Variants in SGCD observed in about 807,000 individuals in gnomAD.
SGCD encodes the protein sarcoglycan delta.
In SGCD, 18 loss-of-function variants were observed where a neutral mutation model predicts 36.6. The observed-to-expected ratio is 0.49, with a 90% CI of 0.34 to 0.73. The LOEUF (loss-of-function observed/expected upper bound fraction) is 0.73, where lower values mean the gene tolerates loss of function less well. Among genes scored for constraint, SGCD ranks in the 30% least tolerant of loss-of-function variants. SGCD has a pLI of 0.01. For missense variants in SGCD, 387 were observed against 346.7 expected, an observed-to-expected ratio of 1.12 and a Z score of -0.92; for synonymous variants, 133 against 130.6, an observed-to-expected ratio of 1.02 and a Z score of -0.12.
chr5:156,685,998 A>G (rs1753891652), intron 7 of SGCD, among the ~76,000 whole-genome samples: 1 of 152,228 alleles, frequency 6.6e-6, no homozygotes, highest in Non-Finnish European at 1.5e-5. Context: ...CTTAAATAAC[A>G]AACTTGCACA....
chr5:156,502,279 C>A (rs1264961497), intron 3 of SGCD, among the ~76,000 whole-genome samples: 1 of 152,018 alleles, frequency 6.6e-6, no homozygotes, highest in Admixed American at 6.6e-5. Context: ...ATCTCCTGAC[C>A]TCGTGATCCG....
chr5:155,805,361 G>A, the SGCD span, among the ~76,000 whole-genome samples: 1 of 152,234 alleles, frequency 6.6e-6, no homozygotes, highest in South Asian at 2.1e-4. Context: ...TTTTAAGGAA[G>A]AGGAGCCATT....
At chr5:156,225,313 A>G (rs1764823021) in intron 3 of SGCD, among the ~76,000 whole-genome samples, 1 of 152,170 alleles carries the variant, frequency 6.6e-6, no homozygotes, top group Non-Finnish European at 1.5e-5. Context: ...AATAAACATA[A>G]CAGTAATTGT....
chr5:156,143,056 G>T (rs1394637332), intron 3 of SGCD, among the ~76,000 whole-genome samples: 1 of 152,206 alleles, frequency 6.6e-6, no homozygotes, highest in Non-Finnish European at 1.5e-5. Flanking sequence ...GGGAAGAATG[G>T]TTCCATGGGC....
chr5:155,733,834 A>G, the SGCD span, among the ~76,000 whole-genome samples: 1 of 152,068 alleles, frequency 6.6e-6, no homozygotes, highest in Non-Finnish European at 1.5e-5. Flanking sequence ...CCATTTCTTC[A>G]TGTACAAGTT....
intron 1 of SGCD, among the ~76,000 whole-genome samples, chr5:155,969,179 G>A (rs563325805): frequency 6.6e-6 from 1 of 152,026 alleles, no homozygotes; most frequent in African/African-American, 2.4e-5. Flanking sequence ...GCGTGTCTAG[G>A]TTTTGTTGCA....
At chr5:155,754,055 G>A in the SGCD span, among the ~76,000 whole-genome samples, 1 of 152,108 alleles carries the variant, frequency 6.6e-6, no homozygotes, top group Admixed American at 6.5e-5. Context: ...TGCAGACTGT[G>A]TATGGGGAGT....
chr5:156,028,861 G>T (rs985432627), intron 1 of SGCD, among the ~76,000 whole-genome samples: 3 of 152,150 alleles, frequency 2.0e-5, no homozygotes, highest in African/African-American at 7.2e-5. Flanking sequence ...GCTTGTCAAA[G>T]AAAGATTTTT....
intron 1 of SGCD, among the ~76,000 whole-genome samples, chr5:155,976,330 T>C (rs1380926946): frequency 6.6e-6 from 1 of 152,150 alleles, no homozygotes; most frequent in Admixed American, 6.5e-5. Context: ...TTTTGGATGT[T>C]TGAAATACTT....
chr5:156,117,301 A>C (rs1430177127), intron 1 of SGCD, among the ~76,000 whole-genome samples: 2 of 151,956 alleles, frequency 1.3e-5, no homozygotes, highest in Non-Finnish European at 2.9e-5. Flanking sequence ...TGTTATGCCC[A>C]TTTTATAGGT....
intron 6 of SGCD, among the ~76,000 whole-genome samples, chr5:156,642,728 A>T (rs1448652517): frequency 2.0e-5 from 3 of 151,908 alleles, no homozygotes; most frequent in Non-Finnish European, 2.9e-5. Context: ...CAGCCTCCCA[A>T]AGTAATGGGA....
At chr5:155,908,365 T>C (rs1463570573) in intron 1 of SGCD, among the ~76,000 whole-genome samples, 9 of 152,160 alleles carry the variant, frequency 5.9e-5, no homozygotes, top group Admixed American at 5.9e-4. Flanking sequence ...ATGTTTCCAG[T>C]TCTTCATATG....
intron 4 of SGCD, among the ~76,000 whole-genome samples, chr5:156,556,689 G>A (rs1329365900): frequency 6.6e-6 from 1 of 152,136 alleles, no homozygotes; most frequent in Non-Finnish European, 1.5e-5. Context: ...TTTAAAGCAA[G>A]GAGCAATGTA....
At chr5:156,671,917 C>G (rs545081461) in intron 7 of SGCD, among the ~76,000 whole-genome samples, 1 of 151,982 alleles carries the variant, frequency 6.6e-6, no homozygotes, top group South Asian at 2.1e-4. Context: ...AAAGAGACAC[C>G]GGGCTCTTTA....
intron 3 of SGCD, among the ~76,000 whole-genome samples, chr5:156,423,792 C>T (rs1773539370): frequency 6.6e-6 from 1 of 151,900 alleles, no homozygotes; most frequent in Non-Finnish European, 1.5e-5. Flanking sequence ...ACTATGTGAC[C>T]TTAGTAAGTA....
intron 3 of SGCD, among the ~76,000 whole-genome samples, chr5:156,386,743 G>A (rs987558208): frequency 1.3e-5 from 2 of 152,252 alleles, no homozygotes; most frequent in Admixed American, 1.3e-4. Flanking sequence ...CACTCCAAGT[G>A]TTGGAGGGAT....
chr5:156,408,112 G>A (rs7731883), intron 3 of SGCD, among the ~76,000 whole-genome samples: 26,268 of 152,150 alleles, frequency 0.17, 2,494 homozygotes, highest in African/African-American at 0.24. Flanking sequence ...TTGAGATTAT[G>A]AAATCATACC....
intron 1 of SGCD, among the ~76,000 whole-genome samples, chr5:156,117,043 G>A (rs1300177380): frequency 2.6e-5 from 4 of 151,944 alleles, no homozygotes; most frequent in African/African-American, 7.3e-5. Flanking sequence ...CAAGGAAATT[G>A]TGTAGCTTTG....
At chr5:156,725,334 C>T (rs1755718837) in intron 7 of SGCD, among the ~76,000 whole-genome samples, 1 of 152,168 alleles carries the variant, frequency 6.6e-6, no homozygotes, top group South Asian at 2.1e-4. Context: ...CCAGGGCCTC[C>T]TTACTCTGAG....
Sources: gnomAD v4.1 joint callset for allele counts (sites outside exome capture counted in the v4.1 genomes callset) on GRCh38, gnomAD v4.1.1 for gene constraint, MANE v1.5 for transcripts, NCBI Gene and HGNC (gene_info 2026-07-23, HGNC 2026-07-21) for gene names.